Variants in LRRIQ1 observed in about 807,000 individuals in gnomAD.
LRRIQ1 encodes leucine rich repeats and IQ motif containing 1, also known as leucine-rich repeat- and IQ domain-containing protein 1.
A neutral mutation model predicts 211.9 loss-of-function variants in LRRIQ1; 210 were observed. The ratio of observed to expected loss-of-function variants is 0.99; its 90% CI spans 0.89 to 1.11. The LOEUF is 1.11. Ranked by LOEUF, LRRIQ1 falls within the 50% of genes most tolerant of loss-of-function variation. LRRIQ1 has a pLI of 0.00. For missense variants in LRRIQ1, 2,136 were observed against 1,939.5 expected, an observed-to-expected ratio of 1.10 and a Z score of -1.90; for synonymous variants, 699 against 650.1, an observed-to-expected ratio of 1.08 and a Z score of -1.14.
At chr12:85,258,471 G>C (rs758946126) in intron 1 of LRRIQ1, among the ~76,000 whole-genome samples, 1 of 151,724 alleles carries the variant, frequency 6.6e-6, no homozygotes, top group African/African-American at 2.4e-5. Context: ...TCCAAATATG[G>C]TATAAACAAC....
intron 11 of LRRIQ1, among the ~76,000 whole-genome samples, chr12:85,086,998 G>T (rs1268468024): frequency 6.6e-6 from 1 of 151,490 alleles, no homozygotes; most frequent in Non-Finnish European, 1.5e-5. Flanking sequence ...CAACGTGCAG[G>T]TTTGTTACAT....
chr12:85,111,654 G>C (rs1180053459), intron 15 of LRRIQ1, among the ~76,000 whole-genome samples: 1 of 152,062 alleles, frequency 6.6e-6, no homozygotes, highest in African/African-American at 2.4e-5. Context: ...TATATGTGTG[G>C]TTATAAAAAT....
At chr12:85,059,261 T>C (rs1231124922) in intron 8 of LRRIQ1, among the ~76,000 whole-genome samples, 1 of 152,032 alleles carries the variant, frequency 6.6e-6, no homozygotes, top group Non-Finnish European at 1.5e-5. Context: ...ATTAATCTCT[T>C]ACTTTGAGAC....
chr12:85,139,835 A>T (rs1490863591), intron 19 of LRRIQ1, among the ~76,000 whole-genome samples: 3 of 151,434 alleles, frequency 2.0e-5, no homozygotes, highest in Non-Finnish European at 4.4e-5. Flanking sequence ...GCTGCTGATT[A>T]GCACGTTTCT....
At chr12:85,218,179 T>C (rs761572086) in intron 24 of LRRIQ1, among the ~76,000 whole-genome samples, 1 of 151,982 alleles carries the variant, frequency 6.6e-6, no homozygotes, top group South Asian at 2.1e-4. Context: ...TGAAATAAAA[T>C]ACATTTAAAA....
chr12:85,073,984 A>G (rs1883367446), intron 11 of LRRIQ1, among the ~76,000 whole-genome samples: 1 of 152,082 alleles, frequency 6.6e-6, no homozygotes, highest in Admixed American at 6.6e-5. Context: ...AGGAGGTGAA[A>G]TAAAATTGGA....
At chr12:85,092,495 T>C (rs955709052) in intron 11 of LRRIQ1, among the ~76,000 whole-genome samples, 1 of 152,130 alleles carries the variant, frequency 6.6e-6, no homozygotes, top group Non-Finnish European at 1.5e-5. Flanking sequence ...CGTGAAAGAC[T>C]CTTCAAATGA....
chr12:85,231,914 G>A (rs1015252746), intron 25 of LRRIQ1, among the ~76,000 whole-genome samples: 23 of 152,184 alleles, frequency 1.5e-4, no homozygotes, highest in African/African-American at 5.3e-4. Context: ...AACCATAAGA[G>A]AAAGCATCCT....
chr12:85,250,953 TATTATATATTATATTATATATATTATAG>T (rs1593026720), intron 1 of LRRIQ1, among the ~76,000 whole-genome samples: 5 of 92,274 alleles, frequency 5.4e-5, no homozygotes, highest in Non-Finnish European at 1.0e-4. Context: ...ATATTTTATA[TATTATATATTATATTATATATATTATAG>T]ATTATATATT....
chr12:85,255,664 C>A (rs751100135), intron 1 of LRRIQ1, among the ~76,000 whole-genome samples: 6 of 151,600 alleles, frequency 4.0e-5, no homozygotes, highest in Admixed American at 1.3e-4. Flanking sequence ...AAGAGTTATT[C>A]TCTAGCAATG....
chr12:85,259,950 C>A (rs1167988628), intron 1 of LRRIQ1, among the ~76,000 whole-genome samples: 1 of 151,552 alleles, frequency 6.6e-6, no homozygotes, highest in Non-Finnish European at 1.5e-5. Context: ...TAGAAAAGTC[C>A]CTTAAAATGT....
At chr12:85,174,384 T>C (rs571370336) in intron 24 of LRRIQ1, among the ~76,000 whole-genome samples, 1 of 149,812 alleles carries the variant, frequency 6.7e-6, no homozygotes, top group South Asian at 2.1e-4. Flanking sequence ...GTTCAGGAGG[T>C]CCAACATTTG....
In LRRIQ1 at chr12:85,170,264, G is replaced by GTA. The variant is rs35828890; in HGVS notation, c.4822+9568_4822+9569dup. ...AAGTATGTATTTGTATGTGCATATTGTATATATATATATATATATGTACTT... is the reference window on the plus strand; with the variant it reads ...AAGTATGTATTTGTATGTGCATATTGTATATATATATATATATATATGTACTT... On this transcript the variant is annotated intron_variant, in intron 24 of 26. Coordinates refer to ENST00000393217, the MANE Select transcript of LRRIQ1 (RefSeq NM_001079910.2). Among the ~76,000 whole-genome samples, 700 of 147,848 alleles carry GTA rather than the reference G, an allele frequency of 4.7e-3. 3 individuals carry two copies. The highest frequency in any genetic ancestry group is 8.2e-3 in the East Asian group (41 of 4,974).
intron 11 of LRRIQ1, among the ~76,000 whole-genome samples, chr12:85,077,028 A>G (rs939522402): frequency 2.6e-5 from 4 of 152,162 alleles, no homozygotes; most frequent in African/African-American, 9.7e-5. Flanking sequence ...ATCCTGAAGT[A>G]CTTTTGCACT....
At chr12:85,196,582 T>C (rs905946147) in intron 24 of LRRIQ1, among the ~76,000 whole-genome samples, 1 of 152,118 alleles carries the variant, frequency 6.6e-6, no homozygotes, top group Non-Finnish European at 1.5e-5. Flanking sequence ...GGGGAAAGGA[T>C]TCCCTGTTTA....
chr12:85,091,618 G>A (rs1073458), intron 11 of LRRIQ1, among the ~76,000 whole-genome samples: 33,366 of 151,976 alleles, frequency 0.22, 4,344 homozygotes, highest in Admixed American at 0.31. Context: ...TTTTCTCCTG[G>A]ATTTTTATAG....
intron 11 of LRRIQ1, among the ~76,000 whole-genome samples, chr12:85,089,984 C>T (rs1381009799): frequency 1.3e-5 from 2 of 152,222 alleles, no homozygotes; most frequent in Non-Finnish European, 2.9e-5. Context: ...GAATGGTTTC[C>T]TCAGCGAGGC....
chr12:85,141,028 A>T (rs1300313927), intron 19 of LRRIQ1, among the ~76,000 whole-genome samples: 1 of 151,170 alleles, frequency 6.6e-6, no homozygotes, highest in African/African-American at 2.4e-5. Flanking sequence ...TGTAAATTCT[A>T]TTTCTTATAC....
Position 85,038,200 on chromosome 12 carries a change from C to G in LRRIQ1, c.24C>G (p.Leu8=), listed in dbSNP as rs1436938243. 1.3e-6 allele frequency: 2 copies of G among 1,575,946 alleles called. No homozygotes were observed. Among genetic ancestry groups the G allele is most frequent in the Non-Finnish European group, 1.7e-6 (2 of 1,159,378 alleles). MDDDDAK[L]KAEIEAELDK... is the part of the protein sequence containing the mutation. The stretch of plus-strand genomic sequence containing the variant: ...TAATGGACGATGATGATGCAAAGCT[C>G]AAAGCAGAAATAGAAGCTGAATTGG... Residue 8 remains leucine (L), a synonymous_variant, in exon 2 of 27, where the codon CTC becomes CTG. Transcript: ENST00000393217.
Sources: allele counts gnomAD v4.1 joint callset (sites outside exome capture counted in the v4.1 genomes callset), GRCh38; gene constraint gnomAD v4.1.1; transcripts MANE v1.5; gene names NCBI Gene and HGNC (gene_info 2026-07-23, HGNC 2026-07-21).